Variants in RBPJ observed in about 807,000 individuals in gnomAD.
The protein encoded by RBPJ is recombining binding protein suppressor of hairless.
In RBPJ, 9 loss-of-function variants were observed where a neutral mutation model predicts 67.8. The ratio of observed to expected loss-of-function variants is 0.13; its 90% CI spans 0.08 to 0.23. The LOEUF (loss-of-function observed/expected upper bound fraction) is 0.23, where lower values mean the gene tolerates loss of function less well. RBPJ is among the 10% of genes least tolerant of loss of function. RBPJ has a pLI of 1.00. For synonymous variants in RBPJ, 198 were observed against 203.3 expected, an observed-to-expected ratio of 0.97 and a Z score of 0.22; for missense variants, 305 against 595.6, an observed-to-expected ratio of 0.51 and a Z score of 5.08.
chr4:26,338,600 G>GTTTTTTT, intron 1 of RBPJ, among the ~76,000 whole-genome samples: 1 of 137,132 alleles, frequency 7.3e-6, no homozygotes. Context: ...TTTTGAGATA[G>GTTTTTTT]AGTCTCACTC....
chr4:26,333,905 G>A (rs1198490560), intron 1 of RBPJ, among the ~76,000 whole-genome samples: 3 of 152,094 alleles, frequency 2.0e-5, no homozygotes, highest in Non-Finnish European at 2.9e-5. Flanking sequence ...GGGCTCAAGC[G>A]ATCCTTCTGC....
At position 26,430,355 on chromosome 4, in the gene RBPJ, A is replaced by T. The variant is rs577879127; in HGVS notation, c.1045-64A>T. 2 of 1,306,678 alleles carry T rather than the reference A, an allele frequency of 1.5e-6. No individual in the cohort carries two copies. The highest frequency in any genetic ancestry group is 1.9e-5 in the Admixed American group (1 of 53,634). 80.9% of individuals were successfully genotyped at this position (1,306,678 alleles called of 1,614,324 possible). A position where few individuals can be genotyped will look rare whatever the true frequency, so the allele number is the denominator to read the frequency against. ...ACAAATGAAAGTTGAATGAGAATCT[A>T]ATTTGTGTACTTTAATGAAAAATGA... On this transcript the variant is annotated intron_variant, in intron 9 of 10. Transcript: ENST00000355476. This position sits in a 1 kb window ranked among gnomAD's most constrained non-coding sequence, Gnocchi z 4.1.
At chr4:26,175,217 C>T (rs1379969583) in intron 1 of RBPJ, among the ~76,000 whole-genome samples, 4 of 152,138 alleles carry the variant, frequency 2.6e-5, no homozygotes, top group East Asian at 1.9e-4. Context: ...TTCCTGAAGC[C>T]GACGACAGCT....
intron 1 of RBPJ, among the ~76,000 whole-genome samples, chr4:26,324,800 A>T (rs1396251356): frequency 6.6e-6 from 1 of 152,208 alleles, no homozygotes; most frequent in Non-Finnish European, 1.5e-5. Context: ...AAGTACTGGG[A>T]TTACAGGGGT....
At chr4:26,141,388 C>T in the RBPJ span, among the ~76,000 whole-genome samples, 5 of 152,230 alleles carry the variant, frequency 3.3e-5, no homozygotes, top group Non-Finnish European at 7.3e-5. Flanking sequence ...TGGGAAGAAG[C>T]TCTAAGTGCA....
chr4:26,258,233 TG>T (rs1720408662), intron 1 of RBPJ, among the ~76,000 whole-genome samples: 1 of 152,258 alleles, frequency 6.6e-6, no homozygotes, highest in Non-Finnish European at 1.5e-5. Context: ...GCTTATTTCC[TG>T]TCTCTCAACT....
At chr4:26,202,959 A>G (rs1718034506) in intron 1 of RBPJ, among the ~76,000 whole-genome samples, 1 of 112,312 alleles carries the variant, frequency 8.9e-6, no homozygotes, top group African/African-American at 3.3e-5. Context: ...GGAAGAAAGG[A>G]AGGAAGGAAA....
chr4:26,140,360 A>G, the RBPJ span, among the ~76,000 whole-genome samples: 4 of 152,192 alleles, frequency 2.6e-5, no homozygotes, highest in African/African-American at 9.7e-5. Flanking sequence ...CCAAACTGAC[A>G]TCAGCAAAAA....
At chr4:26,235,236 T>C (rs888605275) in intron 1 of RBPJ, among the ~76,000 whole-genome samples, 1 of 152,188 alleles carries the variant, frequency 6.6e-6, no homozygotes, top group African/African-American at 2.4e-5. Context: ...AAAAAGTTTA[T>C]TGGAAGAAGG....
the RBPJ span, among the ~76,000 whole-genome samples, chr4:26,152,375 C>T: frequency 2.6e-5 from 4 of 152,168 alleles, no homozygotes; most frequent in South Asian, 2.1e-4. Context: ...TCAGTCAATC[C>T]GCAATGGACC....
chr4:26,109,031 C>G, the RBPJ span, among the ~76,000 whole-genome samples: 1 of 151,842 alleles, frequency 6.6e-6, no homozygotes, highest in Non-Finnish European at 1.5e-5. Flanking sequence ...CTCATTCTTA[C>G]TCTTCCTCAC....
chr4:26,197,803 A>G (rs1052825809), intron 1 of RBPJ, among the ~76,000 whole-genome samples: 6 of 151,586 alleles, frequency 4.0e-5, no homozygotes, highest in Non-Finnish European at 8.8e-5. Context: ...GGTAAAGGAG[A>G]GGAGAGAGGA....
intron 1 of RBPJ, among the ~76,000 whole-genome samples, chr4:26,218,908 C>A (rs956165777): frequency 2.6e-5 from 4 of 152,106 alleles, no homozygotes; most frequent in Non-Finnish European, 4.4e-5. Context: ...CCTCTCAGTA[C>A]CAGGCCTTCT....
intron 1 of RBPJ, among the ~76,000 whole-genome samples, chr4:26,347,815 C>T (rs1182510597): frequency 6.6e-6 from 1 of 152,128 alleles, no homozygotes; most frequent in African/African-American, 2.4e-5. Flanking sequence ...TGCTGCTTCT[C>T]ATGTGTTAAT....
Position 26,407,985 on chromosome 4 carries a change from C to T in RBPJ, c.155+1715C>T, listed in dbSNP as rs530607200. ...CACTTACTGGGCTCAGGTGGTCCTC[C>T]CACCTCAGCCACCTGAGTAGCTGGG... On this transcript the variant is annotated intron_variant, in intron 3 of 10. Transcript: ENST00000355476. 4.3e-3 allele frequency among the ~76,000 whole-genome samples: 635 copies of T among 148,698 alleles called. 2 individuals carry two copies. The highest frequency in any genetic ancestry group is 7.5e-3 in the Non-Finnish European group (506 of 67,466).
At chr4:26,208,988 T>C (rs961077599) in intron 1 of RBPJ, among the ~76,000 whole-genome samples, 1 of 152,154 alleles carries the variant, frequency 6.6e-6, no homozygotes, top group African/African-American at 2.4e-5. Flanking sequence ...TATTTGTGCT[T>C]GTTCCTTATT....
At chr4:26,282,467 C>A (rs933434948) in intron 1 of RBPJ, among the ~76,000 whole-genome samples, 1 of 151,842 alleles carries the variant, frequency 6.6e-6, no homozygotes, top group Admixed American at 6.6e-5. Flanking sequence ...GAATAAAGAT[C>A]TAAGAAATTT....
intron 1 of RBPJ, among the ~76,000 whole-genome samples, chr4:26,203,767 G>A (rs927008717): frequency 2.0e-4 from 30 of 152,188 alleles, no homozygotes; most frequent in African/African-American, 6.5e-4. Flanking sequence ...ATGGGGCCAC[G>A]GAGGTTGGCC....
At chr4:26,123,775 T>G in the RBPJ span, among the ~76,000 whole-genome samples, 1 of 152,148 alleles carries the variant, frequency 6.6e-6, no homozygotes, top group African/African-American at 2.4e-5. Flanking sequence ...AGCCTGTGCC[T>G]CCACAGGGTC....
Sources: gnomAD v4.1 joint callset for allele counts (sites outside exome capture counted in the v4.1 genomes callset) on GRCh38, gnomAD v4.1.1 for gene constraint, Gnocchi (gnomAD v3.1) non-coding constraint, MANE v1.5 for transcripts, NCBI Gene and HGNC (gene_info 2026-07-23, HGNC 2026-07-21) for gene names.